The following ANKS1B variants were observed in gnomAD, a reference collection of about 807,000 sequenced individuals.
The protein encoded by ANKS1B is ankyrin repeat and sterile alpha motif domain containing 1B, also known as ankyrin repeat and sterile alpha motif domain-containing protein 1B.
A neutral mutation model predicts 148.3 loss-of-function variants in ANKS1B; 36 were observed. The observed-to-expected ratio is 0.24, with a 90% CI of 0.19 to 0.32. The LOEUF (loss-of-function observed/expected upper bound fraction) is 0.32. ANKS1B is among the 10% of genes least tolerant of loss of function. The pLI, the probability that ANKS1B is intolerant of heterozygous loss-of-function variation, is 1.00. For missense variants in ANKS1B, 1,157 were observed against 1,542.6 expected (o/e 0.75, Z 4.19); for synonymous variants, 542 against 560.8 (o/e 0.97, Z 0.47).
At chr12:99,192,534 G>A (rs552447553) in intron 14 of ANKS1B, among the ~76,000 whole-genome samples, 1 of 152,126 alleles carries the variant, frequency 6.6e-6, no homozygotes, top group East Asian at 1.9e-4. Flanking sequence ...CCAGAGTTGG[G>A]TACATAATTA....
At chr12:99,214,322 T>A (rs905536709) in intron 14 of ANKS1B, among the ~76,000 whole-genome samples, 2 of 152,204 alleles carry the variant, frequency 1.3e-5, no homozygotes, top group African/African-American at 4.8e-5. Flanking sequence ...ATTAGCCTTG[T>A]GATATGGTTT....
intron 11 of ANKS1B, among the ~76,000 whole-genome samples, chr12:99,429,908 G>A (rs1028350810): frequency 6.6e-6 from 1 of 152,086 alleles, no homozygotes; most frequent in Non-Finnish European, 1.5e-5. Context: ...AGCTTGCAGT[G>A]AGCCAAGATC....
intron 9 of ANKS1B, among the ~76,000 whole-genome samples, chr12:99,633,403 T>C (rs2098194207): frequency 6.6e-6 from 1 of 152,156 alleles, no homozygotes; most frequent in Non-Finnish European, 1.5e-5. Context: ...CCCTATTTAA[T>C]AAATGGTGCT....
chr12:99,154,744 G>A, intron 14 of ANKS1B: 1 of 1,440,204 alleles, frequency 6.9e-7, no homozygotes, highest in Non-Finnish European at 9.1e-7. Context: ...GTGATTGTTG[G>A]AGTACTCCAC....
intron 4 of ANKS1B, among the ~76,000 whole-genome samples, chr12:99,802,852 G>A (rs532661619): frequency 1.6e-4 from 24 of 151,430 alleles, no homozygotes; most frequent in African/African-American, 5.3e-4. Flanking sequence ...GTTCTAGGCC[G>A]AAGTGAGCAT....
chr12:98,903,964 C>T (rs2152795834), intron 17 of ANKS1B, among the ~76,000 whole-genome samples: 1 of 152,150 alleles, frequency 6.6e-6, no homozygotes, highest in South Asian at 2.1e-4. Flanking sequence ...GTAATTACCA[C>T]TTATTTTGTA....
intron 17 of ANKS1B, among the ~76,000 whole-genome samples, chr12:98,912,021 C>T (rs541792318): frequency 2.0e-5 from 3 of 152,284 alleles, no homozygotes; most frequent in South Asian, 4.2e-4. Context: ...GTTACCTCCT[C>T]CTGAAATGGT....
Position 99,338,252 on chromosome 12 carries a change from T to C in ANKS1B, c.1756+61379A>G, listed in dbSNP as rs372572023. ...GCATGCAAGCCACAAGACAAAGTCC[T>C]TCCCATTCTTTTCTCTCCTTTCCTC... On this transcript the variant is annotated intron_variant, in intron 12 of 26. Transcript: ENST00000683438. Among the ~76,000 whole-genome samples the C allele has an allele frequency of 7.2e-4, 110 of 152,262 alleles. 2 individuals carry two copies. In the South Asian group the frequency reaches 0.021, roughly 29 times the overall value.
intron 11 of ANKS1B, among the ~76,000 whole-genome samples, chr12:99,421,883 C>T (rs1253263686): frequency 6.6e-6 from 1 of 152,096 alleles, no homozygotes; most frequent in Non-Finnish European, 1.5e-5. Flanking sequence ...GCAATGTTTT[C>T]ACAAGATCTG....
intron 12 of ANKS1B, among the ~76,000 whole-genome samples, chr12:99,315,805 T>A (rs574769662): frequency 6.6e-6 from 1 of 152,150 alleles, no homozygotes; most frequent in Admixed American, 6.5e-5. Flanking sequence ...TATCTCCTAA[T>A]GCTATCCCTC....
chr12:99,120,339 G>A (rs2062463196), intron 15 of ANKS1B, among the ~76,000 whole-genome samples: 1 of 152,082 alleles, frequency 6.6e-6, no homozygotes, highest in Non-Finnish European at 1.5e-5. Flanking sequence ...TACAGGAAAT[G>A]GTGTAACTTG....
intron 9 of ANKS1B, among the ~76,000 whole-genome samples, chr12:99,525,873 TATC>T (rs1454845409): frequency 9.2e-5 from 14 of 151,910 alleles, no homozygotes; most frequent in Admixed American, 8.5e-4. Flanking sequence ...GAAACTAAAA[TATC>T]ATAAAGATCA....
At chr12:99,195,007 C>T (rs1368249190) in intron 14 of ANKS1B, among the ~76,000 whole-genome samples, 1 of 152,004 alleles carries the variant, frequency 6.6e-6, no homozygotes, top group East Asian at 1.9e-4. Flanking sequence ...ATAAAACTAT[C>T]AGAGGAACTT....
chr12:99,366,681 T>C (rs2092788495), intron 12 of ANKS1B, among the ~76,000 whole-genome samples: 1 of 152,176 alleles, frequency 6.6e-6, no homozygotes, highest in South Asian at 2.1e-4. Context: ...TTCTATCTTA[T>C]ACATTATCTC....
intron 14 of ANKS1B, among the ~76,000 whole-genome samples, chr12:99,233,398 A>G (rs893638974): frequency 2.6e-5 from 4 of 152,088 alleles, no homozygotes; most frequent in African/African-American, 9.7e-5. Flanking sequence ...GGTCCATCTA[A>G]CTTCAAAACC....
At chr12:99,507,081 C>A (rs532293603) in intron 9 of ANKS1B, among the ~76,000 whole-genome samples, 1 of 151,990 alleles carries the variant, frequency 6.6e-6, no homozygotes, top group Non-Finnish European at 1.5e-5. Context: ...AAGCTAACTA[C>A]AAGTTATGGA....
chr12:98,895,602 CCT>C (rs1051795551), intron 17 of ANKS1B, among the ~76,000 whole-genome samples: 1 of 152,156 alleles, frequency 6.6e-6, no homozygotes, highest in African/African-American at 2.4e-5. Context: ...CGCCGGTGGC[CCT>C]CTCCTGTGGG....
At chr12:99,781,134 C>T (rs377587796) in intron 5 of ANKS1B, among the ~76,000 whole-genome samples, 11 of 148,956 alleles carry the variant, frequency 7.4e-5, no homozygotes, top group African/African-American at 2.7e-4. Flanking sequence ...TTATTAAATA[C>T]ATGTTTAAAT....
At chr12:99,626,637 A>G (rs1246630170) in intron 9 of ANKS1B, among the ~76,000 whole-genome samples, 1 of 152,128 alleles carries the variant, frequency 6.6e-6, no homozygotes, top group African/African-American at 2.4e-5. Flanking sequence ...CAACAAAGCA[A>G]TTCTTTACCC....
Sources: gnomAD v4.1 joint callset for allele counts (sites outside exome capture counted in the v4.1 genomes callset) on GRCh38, gnomAD v4.1.1 for gene constraint, MANE v1.5 for transcripts, NCBI Gene and HGNC (gene_info 2026-07-23, HGNC 2026-07-21) for gene names.